The following LRRC8D variants were observed in gnomAD, a reference collection of about 807,000 sequenced individuals.
The protein encoded by LRRC8D is volume-regulated anion channel subunit LRRC8D.
A neutral mutation model predicts 55.8 loss-of-function variants in LRRC8D; 20 were observed. The observed-to-expected ratio is 0.36, with a 90% CI of 0.25 to 0.52. LRRC8D has a LOEUF of 0.52. Ranked by LOEUF, LRRC8D falls within the 20% of genes least tolerant of loss-of-function variation. The probability of loss-of-function intolerance (pLI) is 0.93; values close to 1 mark genes in which losing one functional copy is unlikely to be tolerated. For synonymous variants in LRRC8D, 352 were observed against 377.0 expected, an observed-to-expected ratio of 0.93 and a Z score of 0.77; for missense variants, 651 against 1,030.8, an observed-to-expected ratio of 0.63 and a Z score of 5.05.
At chr1:89,855,557 A>C (rs1426167098) in intron 2 of LRRC8D, among the ~76,000 whole-genome samples, 3 of 152,198 alleles carry the variant, frequency 2.0e-5, no homozygotes, top group Admixed American at 2.0e-4. Context: ...CTATTACACA[A>C]CTTAATGCTT....
At chr1:89,822,540 C>T (rs1257607770) in intron 1 of LRRC8D, among the ~76,000 whole-genome samples, 2 of 152,154 alleles carry the variant, frequency 1.3e-5, no homozygotes, top group Admixed American at 1.3e-4. Context: ...AGTAAAATTC[C>T]GTACAGGCAG....
intron 1 of LRRC8D, chr1:89,843,035 T>C (rs907591368): frequency 2.0e-5 from 3 of 152,276 alleles, no homozygotes; most frequent in African/African-American, 7.2e-5. Context: ...TTGGCAGCTG[T>C]GTGCACGCTT....
chr1:89,897,731 A>T (rs1301245849), intron 2 of LRRC8D, among the ~76,000 whole-genome samples: 2 of 152,216 alleles, frequency 1.3e-5, no homozygotes, highest in Non-Finnish European at 2.9e-5. Context: ...CTGAAAAAAA[A>T]ACTGATTTGC....
chr1:89,876,342 C>G, intron 2 of LRRC8D, among the ~76,000 whole-genome samples: 1 of 152,178 alleles, frequency 6.6e-6, no homozygotes, highest in East Asian at 1.9e-4. Flanking sequence ...GCTCATTTAC[C>G]ATACAGATTC....
At chr1:89,912,699 A>G (rs944818322) in intron 2 of LRRC8D, among the ~76,000 whole-genome samples, 3 of 152,300 alleles carry the variant, frequency 2.0e-5, no homozygotes, top group East Asian at 1.9e-4. Flanking sequence ...TGTTTATAAT[A>G]TAATCTCTAC....
chr1:89,859,291 A>G (rs896071559), intron 2 of LRRC8D, among the ~76,000 whole-genome samples: 2 of 151,864 alleles, frequency 1.3e-5, no homozygotes, highest in Non-Finnish European at 2.9e-5. Context: ...TTCAAATGAG[A>G]GACTCCATAC....
rs1483522260 is a variant in LRRC8D, at chr1:89,846,955, C to T, written c.-3+3173C>T. On this transcript the variant is annotated intron_variant, in intron 2 of 2. Transcript: ENST00000337338. ...ATTAGTAAATGATATATATGACTCT[C>T]CACTCCCCACTACTGCTGCCACTGT... Among the ~76,000 whole-genome samples the T allele has an allele frequency of 3.9e-5, 6 of 152,256 alleles. No individual in the cohort carries two copies. In the East Asian group the frequency reaches 7.7e-4, roughly 20 times the overall value.
In LRRC8D at chr1:89,933,883, G is replaced by A. The variant is rs1663773692; in HGVS notation, c.815G>A (p.Ser272Asn). 1 of 1,613,596 alleles carries A rather than the reference G, an allele frequency of 6.2e-7. No individual in the cohort carries two copies. The highest frequency in any genetic ancestry group is 1.7e-5 in the Admixed American group (1 of 59,920). The stretch of plus-strand genomic sequence containing the variant: ...GAGAAGCCTGTGATTGAAGTTCCCA[G>A]CATGACAATCCTGGATAAAAAGGAT... ...SAEKPVIEVP[S>N]MTILDKKDGE... is the part of the protein sequence containing the mutation. Residue 272 changes from serine to asparagine, a missense_variant, in exon 3 of 3, where the codon AGC (serine) becomes AAC (asparagine). This residue lies in a region of LRRC8D where 178 missense variants were observed against 374.9 expected (regional missense o/e 0.47). Coordinates refer to ENST00000337338, the MANE Select transcript of LRRC8D (RefSeq NM_001134479.2). This position sits in a 1 kb window ranked among gnomAD's most constrained non-coding sequence, Gnocchi z 7.0.
chr1:89,923,793 C>T (rs1663483788), intron 2 of LRRC8D, among the ~76,000 whole-genome samples: 1 of 152,162 alleles, frequency 6.6e-6, no homozygotes, highest in Non-Finnish European at 1.5e-5. Flanking sequence ...ACCACCTGAT[C>T]TTTGTGACAA....
intron 2 of LRRC8D, among the ~76,000 whole-genome samples, chr1:89,915,636 C>T (rs1033611292): frequency 6.6e-6 from 1 of 152,110 alleles, no homozygotes; most frequent in South Asian, 2.1e-4. Context: ...TGACTGTATT[C>T]GCCCTCTTCA....
chr1:89,919,231 T>C (rs1663351713), intron 2 of LRRC8D, among the ~76,000 whole-genome samples: 1 of 152,214 alleles, frequency 6.6e-6, no homozygotes, highest in Non-Finnish European at 1.5e-5. Flanking sequence ...ATACTAACTT[T>C]GAGAACTTTT....
Position 89,907,485 on chromosome 1 carries a change from C to T in LRRC8D, c.-2-25582C>T, listed in dbSNP as rs552969803. ...GATTACAAGTGCGAGCCACCATGTC[C>T]GGCCAGTCAGTTGTTTTAAATCGTG... is the stretch of plus-strand genomic sequence containing the variant. On this transcript the variant is annotated intron_variant, in intron 2 of 2. Transcript: ENST00000337338. Among the ~76,000 whole-genome samples the T allele has an allele frequency of 2.6e-5, 4 of 152,186 alleles. 1 individual carries two copies. Among genetic ancestry groups the T allele is most frequent in the African/African-American group, 9.6e-5 (4 of 41,512 alleles).
At chr1:89,907,477 A>G (rs1663026698) in intron 2 of LRRC8D, among the ~76,000 whole-genome samples, 1 of 152,148 alleles carries the variant, frequency 6.6e-6, no homozygotes, top group African/African-American at 2.4e-5. Flanking sequence ...AGTGCGAGCC[A>G]CCATGTCCGG....
chr1:89,915,031 T>TGTGTGTGTGTGTGTGTG (rs893819993), intron 2 of LRRC8D, among the ~76,000 whole-genome samples: 3 of 151,698 alleles, frequency 2.0e-5, no homozygotes, highest in Non-Finnish European at 4.4e-5. Flanking sequence ...TGTGTGTGTG[T>TGTGTGTGTGTGTGTGTG]GTGTGTGTGT....
intron 1 of LRRC8D, among the ~76,000 whole-genome samples, chr1:89,832,026 C>T (rs115867306): frequency 0.024 from 3,578 of 152,248 alleles, 60 homozygotes; most frequent in Non-Finnish European, 0.036. Context: ...AGCAGGGCTG[C>T]GTCTGCGCTG....
At chr1:89,889,924 A>G (rs1471440239) in intron 2 of LRRC8D, among the ~76,000 whole-genome samples, 1 of 152,080 alleles carries the variant, frequency 6.6e-6, no homozygotes, top group East Asian at 1.9e-4. Flanking sequence ...GCGGTGGCTC[A>G]TGCCTGTAAT....
At chr1:89,897,244 G>A (rs775647274) in intron 2 of LRRC8D, among the ~76,000 whole-genome samples, 4 of 152,082 alleles carry the variant, frequency 2.6e-5, no homozygotes, top group Non-Finnish European at 4.4e-5. Flanking sequence ...AGTATAGATC[G>A]GTTAATGAAT....
At position 89,934,469 on chromosome 1, in the gene LRRC8D, C is replaced by T. The variant is rs553224670; in HGVS notation, c.1401C>T (p.Asn467=). The change falls in exon 3 of 3, where the codon AAC becomes AAT. Residue 467 remains asparagine (N), a synonymous_variant. Coordinates refer to ENST00000337338, the MANE Select transcript of LRRC8D (RefSeq NM_001134479.2). This position sits in a 1 kb window ranked among gnomAD's most constrained non-coding sequence, Gnocchi z 5.9. ...FEKLRQHISR[N]AQDKQELHLF... is the part of the protein sequence containing the mutation. ...AACTCAGGCAGCACATTTCACGCAA[C>T]GCCCAGGACAAGCAGGAGTTGCATC... 7 of 1,614,166 alleles carry T rather than the reference C, an allele frequency of 4.3e-6. No homozygotes were observed. Among genetic ancestry groups the T allele is most frequent in the East Asian group, 4.5e-5 (2 of 44,882 alleles).
At chr1:89,870,924 T>C (rs1421505822) in intron 2 of LRRC8D, among the ~76,000 whole-genome samples, 2 of 152,222 alleles carry the variant, frequency 1.3e-5, no homozygotes, top group Admixed American at 1.3e-4. Context: ...TAAATTTGGG[T>C]AATTTCTGTA....
Sources: allele counts gnomAD v4.1 joint callset (sites outside exome capture counted in the v4.1 genomes callset), GRCh38; gene constraint gnomAD v4.1.1; regional missense constraint gnomAD v4.1.1; non-coding constraint Gnocchi (gnomAD v3.1); transcripts MANE v1.5; gene names NCBI Gene and HGNC (gene_info 2026-07-23, HGNC 2026-07-21).